Variants in UBR2 observed in about 807,000 individuals in gnomAD.
The protein encoded by UBR2 is E3 ubiquitin-protein ligase UBR2.
In UBR2, 92 loss-of-function variants were observed where a neutral mutation model predicts 247.9. The observed-to-expected ratio is 0.37, with a 90% confidence interval of 0.31 to 0.44. The LOEUF (loss-of-function observed/expected upper bound fraction) is 0.44, where lower values mean the gene tolerates loss of function less well. Ranked by LOEUF, UBR2 falls within the 20% of genes least tolerant of loss-of-function variation. The probability of loss-of-function intolerance (pLI) is 1.00; values close to 1 mark genes in which losing one functional copy is unlikely to be tolerated. For missense variants in UBR2, 1,613 were observed against 2,112.6 expected (o/e 0.76, Z 4.64); for synonymous variants, 672 against 693.5 (o/e 0.97, Z 0.49).
intron 3 of UBR2, among the ~76,000 whole-genome samples, chr6:42,593,970 A>C (rs2151918785): frequency 6.6e-6 from 1 of 152,348 alleles, no homozygotes; most frequent in Non-Finnish European, 1.5e-5. Context: ...AAACATTACA[A>C]AGTAGCTTAT....
At chr6:42,572,472 T>A (rs533564809) in intron 1 of UBR2, among the ~76,000 whole-genome samples, 15 of 92,962 alleles carry the variant, frequency 1.6e-4, no homozygotes, top group East Asian at 9.6e-4. Context: ...TTTTTTTTTT[T>A]AAATAAAAAT....
At chr6:42,578,961 AC>A (rs1791695180) in intron 2 of UBR2, among the ~76,000 whole-genome samples, 1 of 105,316 alleles carries the variant, frequency 9.5e-6, no homozygotes, top group African/African-American at 4.3e-5. Flanking sequence ...TCTCAAAAAC[AC>A]ACACACACAA....
chr6:42,601,514 C>T (rs1004268564), intron 4 of UBR2, among the ~76,000 whole-genome samples: 2 of 151,980 alleles, frequency 1.3e-5, no homozygotes, highest in African/African-American at 4.8e-5. Context: ...TATGGAGAAA[C>T]CCTGTCTCTA....
chr6:42,573,231 A>G (rs998943150), intron 1 of UBR2, among the ~76,000 whole-genome samples: 1 of 152,220 alleles, frequency 6.6e-6, no homozygotes, highest in Non-Finnish European at 1.5e-5. Context: ...GACTTATTCA[A>G]TAAGAGACTG....
intron 40 of UBR2, among the ~76,000 whole-genome samples, chr6:42,677,095 T>C (rs1252079353): frequency 6.6e-6 from 1 of 152,204 alleles, no homozygotes; most frequent in African/African-American, 2.4e-5. Context: ...CCACATTTAT[T>C]TGGCTGTGGA....
In UBR2 at chr6:42,645,498, A is replaced by G. The variant is rs765655910; in HGVS notation, c.2317A>G (p.Asn773Asp). 1.2e-6 allele frequency: 2 copies of G among 1,613,934 alleles called. No homozygotes were observed. The highest frequency in any genetic ancestry group is 1.7e-5 in the Admixed American group (1 of 60,008). The change falls in exon 21 of 47, where the codon AAT becomes GAT. Residue 773 changes from asparagine to aspartate, a missense_variant. Physicochemically the swap from Asn to Asp is conservative, Grantham distance 23 (BLOSUM62 1). Transcript: ENST00000372901. ...ATTTAGTCCTGGAGTTGGACAGGTA[A>G]ATGCTACAGATGAAATCAAGCGAGA... ...ERFSPGVGQV[N>D]ATDEIKREII...
chr6:42,639,490 C>T (rs1796295422), intron 15 of UBR2, among the ~76,000 whole-genome samples: 1 of 152,194 alleles, frequency 6.6e-6, no homozygotes, highest in Non-Finnish European at 1.5e-5. Flanking sequence ...CTGCTCTGCT[C>T]AGGAGGCTGA....
intron 1 of UBR2, among the ~76,000 whole-genome samples, chr6:42,571,023 C>T (rs1400957982): frequency 6.6e-6 from 1 of 150,386 alleles, no homozygotes; most frequent in Non-Finnish European, 1.5e-5. Flanking sequence ...CTGATACTAG[C>T]GTCTGAATTT....
chr6:42,683,952 A>G (rs903434740), intron 43 of UBR2, among the ~76,000 whole-genome samples: 4 of 152,246 alleles, frequency 2.6e-5, no homozygotes, highest in African/African-American at 9.6e-5. Context: ...CGTCCATAAA[A>G]GTCAGAAGAC....
At chr6:42,653,606 C>CTTTTTTT (rs72460060) in intron 25 of UBR2, among the ~76,000 whole-genome samples, 1 of 50,582 alleles carries the variant, frequency 2.0e-5, no homozygotes, top group African/African-American at 9.0e-5. Flanking sequence ...ATGCTAAGCC[C>CTTTTTTT]TTTTTTTTTT....
chr6:42,571,174 C>T lies in UBR2; in HGVS notation c.79-2560C>T, dbSNP rs570976347. On this transcript the variant is annotated intron_variant, in intron 1 of 46. Coordinates refer to ENST00000372901, the MANE Select transcript of UBR2 (RefSeq NM_001363705.2). ...AGGAGAATGGCGTGAACCTGGGAGG[C>T]GGAGCTTTCAGTGAGCCGAGATCGC... is the stretch of plus-strand genomic sequence containing the variant. Among the ~76,000 whole-genome samples, 6 of 135,730 alleles carry T rather than the reference C, an allele frequency of 4.4e-5. No individual in the cohort carries two copies. The South Asian group carries it at 9.5e-4, about 22-fold the overall frequency. The allele number at this position is 135,730 out of a possible 152,430, so 89.0% of individuals were successfully genotyped here. A position where few individuals can be genotyped will look rare whatever the true frequency, so the allele number is the denominator to read the frequency against.
At chr6:42,594,393 A>G (rs1409023911) in intron 4 of UBR2, 89 bp downstream of exon 4, 1 of 986,446 alleles carries the variant, frequency 1.0e-6, no homozygotes, top group Non-Finnish European at 1.5e-6. Flanking sequence ...TGGATAAGCA[A>G]ATAGTACTTC....
chr6:42,645,439 G>A (rs568821512), intron 20 of UBR2, 27 bp from the exon 21 acceptor site: 16 of 1,602,500 alleles, frequency 1.0e-5, no homozygotes, highest in Middle Eastern at 1.7e-4. Context: ...TTAAATGTAT[G>A]TATATGTACT....
intron 36 of UBR2, among the ~76,000 whole-genome samples, chr6:42,672,506 T>C (rs1798505922): frequency 6.6e-6 from 1 of 152,098 alleles, no homozygotes; most frequent in African/African-American, 2.4e-5. Context: ...TTAGAGGGGC[T>C]CCTCAAAAGC....
chr6:42,617,830 T>C (rs990731853), intron 11 of UBR2, among the ~76,000 whole-genome samples: 1 of 152,194 alleles, frequency 6.6e-6, no homozygotes, highest in South Asian at 2.1e-4. Flanking sequence ...CAAATTATCC[T>C]TCACGTTAGA....
At chr6:42,663,813 C>T (rs1797960628) in intron 32 of UBR2, among the ~76,000 whole-genome samples, 1 of 152,128 alleles carries the variant, frequency 6.6e-6, no homozygotes, top group Admixed American at 6.5e-5. Flanking sequence ...ACTGGCCATT[C>T]ATAGTTTTAA....
intron 11 of UBR2, among the ~76,000 whole-genome samples, chr6:42,622,846 T>G (rs1795085148): frequency 1.3e-5 from 2 of 152,114 alleles, no homozygotes; most frequent in East Asian, 3.9e-4. Context: ...ATAGATTTTT[T>G]TTTTTTTTAA....
chr6:42,663,308 G>A lies in UBR2; in HGVS notation c.3587G>A (p.Arg1196His), dbSNP rs756663218. ...AKEQRRQQRL[R>H]LHTSYDVENG... ...GAACAGCGAAGGCAACAGAGATTAC[G>A]CTTACATACGAGCTATGATGTAGAA... Residue 1196 changes from arginine to histidine, a missense_variant, in exon 32 of 47, where the codon CGC (arginine) becomes CAC (histidine). Transcript: ENST00000372901. The A allele has an allele frequency of 6.9e-5, 111 of 1,613,284 alleles. No individual in the cohort carries two copies. Among genetic ancestry groups the A allele is most frequent in the Non-Finnish European group, 8.7e-5 (103 of 1,179,766 alleles).
chr6:42,644,909 G>T (rs555388218), intron 20 of UBR2, among the ~76,000 whole-genome samples: 1 of 152,218 alleles, frequency 6.6e-6, no homozygotes, highest in Non-Finnish European at 1.5e-5. Flanking sequence ...TGGTACAAAA[G>T]TATCTTCTTG....
Sources: gnomAD v4.1 joint callset for allele counts (sites outside exome capture counted in the v4.1 genomes callset) on GRCh38, gnomAD v4.1.1 for gene constraint, MANE v1.5 for transcripts, NCBI Gene and HGNC (gene_info 2026-07-23, HGNC 2026-07-21) for gene names.